The following REC114 variants were observed in gnomAD, a reference collection of about 807,000 sequenced individuals.
REC114 encodes REC114 meiotic recombination protein.
A neutral mutation model predicts 31.3 loss-of-function variants in REC114; 27 were observed. The ratio of observed to expected loss-of-function variants is 0.86; its 90% CI spans 0.64 to 1.19. The LOEUF (loss-of-function observed/expected upper bound fraction) is 1.19. Ranked by LOEUF, REC114 falls within the 50% of genes most tolerant of loss-of-function variation. The pLI is 0.00. For missense variants in REC114, 344 were observed against 326.9 expected (o/e 1.05, Z -0.40); for synonymous variants, 134 against 127.7 (o/e 1.05, Z -0.33).
chr15:73,489,157 A>G (rs1893411673), intron 2 of REC114, among the ~76,000 whole-genome samples: 1 of 150,392 alleles, frequency 6.6e-6, no homozygotes, highest in African/African-American at 2.4e-5. Context: ...ATGGTGGAAG[A>G]GCAGAAGACA....
intron 3 of REC114, among the ~76,000 whole-genome samples, chr15:73,546,303 G>T (rs1260134686): frequency 6.6e-6 from 1 of 151,896 alleles, no homozygotes; most frequent in East Asian, 1.9e-4. Flanking sequence ...CTTGCCACAG[G>T]GGAGTTAGGC....
intron 2 of REC114, among the ~76,000 whole-genome samples, chr15:73,514,117 C>G (rs576611688): frequency 6.6e-6 from 1 of 152,122 alleles, no homozygotes; most frequent in Non-Finnish European, 1.5e-5. Context: ...GTAGGACCCT[C>G]CGAGCCAGGT....
At chr15:73,453,543 T>C (rs985335119) in intron 1 of REC114, among the ~76,000 whole-genome samples, 3 of 152,260 alleles carry the variant, frequency 2.0e-5, no homozygotes, top group Admixed American at 2.0e-4. Context: ...AGTTCAACCA[T>C]TGTGGAAGAC....
rs558247314 is a variant in REC114, at chr15:73,477,986, G to A, written c.249+4065G>A. On this transcript the variant is annotated intron_variant, in intron 2 of 5. Coordinates refer to ENST00000331090, the MANE Select transcript of REC114 (RefSeq NM_001042367.2). ...AGTTAAGAATTTGGGTTTATTGGCC[G>A]GGCGTGGTGGCTCACGCCTGTAATC... Among the ~76,000 whole-genome samples the A allele has an allele frequency of 3.2e-4, 48 of 151,960 alleles. 2 individuals carry two copies. The South Asian group carries it at 9.1e-3, about 29-fold the overall frequency.
At chr15:73,554,422 A>AT (rs762046163) in intron 4 of REC114, among the ~76,000 whole-genome samples, 9 of 152,172 alleles carry the variant, frequency 5.9e-5, no homozygotes, top group Non-Finnish European at 1.3e-4. Context: ...GTACCTATAT[A>AT]TTTTTTAGTA....
rs747971103 is a variant in REC114, at chr15:73,473,803, T to A, written c.160-29T>A. ...TCAGTTATAGAAATGTATTATCTTT[T>A]ACATATTTTTCTCCTTCTCCCTTTC... On this transcript the variant is annotated intron_variant, in intron 1 of 5. Transcript: ENST00000331090. The A allele has an allele frequency of 7.1e-6, 9 of 1,265,390 alleles. No individual in the cohort carries two copies. In the East Asian group the frequency reaches 1.5e-4, roughly 21 times the overall value. 78.4% of individuals were successfully genotyped at this position (1,265,390 alleles called of 1,614,324 possible).
At chr15:73,456,839 T>G (rs1347368091) in intron 1 of REC114, among the ~76,000 whole-genome samples, 1 of 152,188 alleles carries the variant, frequency 6.6e-6, no homozygotes, top group Admixed American at 6.5e-5. Flanking sequence ...TTAAAACTGT[T>G]AATATCTTAT....
At chr15:73,546,696 A>G (rs1894313369) in intron 3 of REC114, among the ~76,000 whole-genome samples, 1 of 152,000 alleles carries the variant, frequency 6.6e-6, no homozygotes, top group Non-Finnish European at 1.5e-5. Context: ...TCTTCAATAA[A>G]GAGTTCTGGG....
At chr15:73,554,657 T>C (rs1013208411) in intron 4 of REC114, among the ~76,000 whole-genome samples, 1 of 152,204 alleles carries the variant, frequency 6.6e-6, no homozygotes, top group Non-Finnish European at 1.5e-5. Context: ...ATGTGGACTC[T>C]TTCCTGTTAG....
At chr15:73,504,048 C>G (rs1893639944) in intron 2 of REC114, among the ~76,000 whole-genome samples, 1 of 143,858 alleles carries the variant, frequency 7.0e-6, no homozygotes, top group South Asian at 2.2e-4. Flanking sequence ...GCTCTGTCAC[C>G]CAGGCTGGAG....
rs775953439 is a variant in REC114 at position 73,560,011 on chromosome 15, A to G, written c.*95A>G. 16 of 1,174,604 alleles carry G rather than the reference A, an allele frequency of 1.4e-5. No homozygotes were observed. The highest frequency in any genetic ancestry group is 1.8e-5 in the Non-Finnish European group (15 of 847,686). 72.8% of individuals were successfully genotyped at this position (1,174,604 alleles called of 1,614,324 possible). ...GATATTAGAATAAAGAGTATTATCCAAACACCTTTTATCAATGTTTTATTT... is the reference window on the plus strand; with the variant it reads ...GATATTAGAATAAAGAGTATTATCCGAACACCTTTTATCAATGTTTTATTT... On this transcript the variant is annotated 3_prime_UTR_variant, in exon 6 of 6. Transcript: ENST00000331090.
intron 2 of REC114, among the ~76,000 whole-genome samples, chr15:73,476,517 T>C (rs756898192): frequency 1.3e-5 from 2 of 152,238 alleles, no homozygotes; most frequent in Non-Finnish European, 2.9e-5. Flanking sequence ...ATATATTTAC[T>C]GTGTACGTTA....
intron 2 of REC114, among the ~76,000 whole-genome samples, chr15:73,536,705 A>T (rs1455417041): frequency 6.6e-6 from 1 of 152,170 alleles, no homozygotes; most frequent in Non-Finnish European, 1.5e-5. Context: ...TCTTTACTAA[A>T]TCTCAGCATT....
At chr15:73,449,155 C>G (rs1299345058) in intron 1 of REC114, among the ~76,000 whole-genome samples, 1 of 152,054 alleles carries the variant, frequency 6.6e-6, no homozygotes, top group Non-Finnish European at 1.5e-5. Flanking sequence ...GTTTGATGAA[C>G]TGACAGAAGC....
At chr15:73,528,005 T>G (rs954411106) in intron 2 of REC114, among the ~76,000 whole-genome samples, 7 of 152,286 alleles carry the variant, frequency 4.6e-5, no homozygotes, top group African/African-American at 1.4e-4. Context: ...GATCAGTAAC[T>G]GCAAAGGATC....
intron 1 of REC114, among the ~76,000 whole-genome samples, chr15:73,472,594 A>G (rs1236206260): frequency 2.6e-5 from 4 of 152,210 alleles, no homozygotes; most frequent in South Asian, 2.1e-4. Context: ...AGATGAGTCT[A>G]TAACATCTTA....
intron 2 of REC114, among the ~76,000 whole-genome samples, chr15:73,532,446 C>T (rs1379404774): frequency 4.2e-4 from 64 of 151,220 alleles, no homozygotes; most frequent in Non-Finnish European, 7.8e-4. Flanking sequence ...AGTAAACATA[C>T]GTGTGCATGT....
chr15:73,528,958 C>A (rs1271545491), intron 2 of REC114, among the ~76,000 whole-genome samples: 1 of 151,836 alleles, frequency 6.6e-6, no homozygotes, highest in African/African-American at 2.4e-5. Context: ...ATATGTGGAC[C>A]TTATTTGGAT....
chr15:73,465,583 CTAGA>C (rs1210740721), intron 1 of REC114, among the ~76,000 whole-genome samples: 1 of 152,074 alleles, frequency 6.6e-6, no homozygotes, highest in African/African-American at 2.4e-5. Flanking sequence ...ATCTCATATA[CTAGA>C]TAATTTTTTT....
Sources: allele counts gnomAD v4.1 joint callset (sites outside exome capture counted in the v4.1 genomes callset), GRCh38; gene constraint gnomAD v4.1.1; transcripts MANE v1.5; gene names NCBI Gene and HGNC (gene_info 2026-07-23, HGNC 2026-07-21).